The following AGBL4 variants were observed in gnomAD, a reference collection of about 807,000 sequenced individuals.
The protein encoded by AGBL4 is AGBL carboxypeptidase 4.
A neutral mutation model predicts 66.4 loss-of-function variants in AGBL4; 58 were observed. That is an observed-to-expected ratio of 0.87 (90% CI 0.71 to 1.09). The LOEUF is 1.09. Ranked by LOEUF, AGBL4 falls within the 50% of genes least tolerant of loss-of-function variation. The pLI, the probability that AGBL4 is intolerant of heterozygous loss-of-function variation, is 0.00. For missense variants in AGBL4, 579 were observed against 631.0 expected, an observed-to-expected ratio of 0.92 and a Z score of 0.88; for synonymous variants, 234 against 222.9, an observed-to-expected ratio of 1.05 and a Z score of -0.44.
chr1:49,601,318 G>A lies in AGBL4; in HGVS notation c.282+95995C>T, dbSNP rs181744128. The stretch of plus-strand genomic sequence containing the variant: ...TGGTCCCATATTTCTTGGAGGCTTT[G>A]TTCATTTCTTTTCATTCTTTTTTTT... On this transcript the variant is annotated intron_variant, in intron 3 of 13. Coordinates refer to ENST00000371839, the MANE Select transcript of AGBL4 (RefSeq NM_032785.4). 1.7e-3 allele frequency among the ~76,000 whole-genome samples: 264 copies of A among 151,414 alleles called. 1 individual carries two copies. The highest frequency in any genetic ancestry group is 6.0e-3 in the African/African-American group (246 of 41,284).
At chr1:48,603,445 C>T (rs763631945) in intron 9 of AGBL4, among the ~76,000 whole-genome samples, 6 of 151,916 alleles carry the variant, frequency 3.9e-5, no homozygotes, top group African/African-American at 9.7e-5. Flanking sequence ...ACTCCAGCCT[C>T]GCAACAGAGC....
At chr1:49,093,396 A>G (rs951411465) in intron 4 of AGBL4, among the ~76,000 whole-genome samples, 5 of 152,210 alleles carry the variant, frequency 3.3e-5, no homozygotes, top group Non-Finnish European at 5.9e-5. Flanking sequence ...AATAAGATTT[A>G]TTAATTCATT....
rs1650322889 is a variant in AGBL4, at chr1:49,522,253, A to G, written c.282+175060T>C. On this transcript the variant is annotated intron_variant, in intron 3 of 13. Transcript: ENST00000371839. ...CTGTATGACCTTAGGTAAGTTTCGT[A>G]AGCTCTCTGAGCCTTAGTTTTCTTA... 2.0e-5 allele frequency among the ~76,000 whole-genome samples: 3 copies of G among 152,000 alleles called. No individual in the cohort carries two copies. The South Asian group carries it at 6.2e-4, about 31-fold the overall frequency.
intron 1 of AGBL4, chr1:49,996,233 G>A (rs763356937): frequency 1.5e-4 from 23 of 152,070 alleles, no homozygotes; most frequent in Non-Finnish European, 2.2e-4. Context: ...CTGAATTGCC[G>A]GAAAAAGAAT....
intron 4 of AGBL4, among the ~76,000 whole-genome samples, chr1:49,105,970 C>G (rs1645285161): frequency 6.6e-6 from 1 of 152,080 alleles, no homozygotes; most frequent in African/African-American, 2.4e-5. Context: ...CATAAAAACC[C>G]CTTTAAAATG....
chr1:49,783,401 T>A (rs1198046516), intron 2 of AGBL4, among the ~76,000 whole-genome samples: 1 of 151,848 alleles, frequency 6.6e-6, no homozygotes, highest in Non-Finnish European at 1.5e-5. Context: ...AGTAATAGGG[T>A]AAAGGACAAA....
In AGBL4 at chr1:49,906,023, T is replaced by G. The variant is rs545201829; in HGVS notation, c.35-54505A>C. On this transcript the variant is annotated intron_variant, in intron 1 of 13. Transcript: ENST00000371839. ...TAATAATTAACTAAGATAATGTATATAATGTATTGAGCAGATTATGTAGCC... is the reference window on the plus strand; with the variant it reads ...TAATAATTAACTAAGATAATGTATAGAATGTATTGAGCAGATTATGTAGCC... 7.2e-5 allele frequency among the ~76,000 whole-genome samples: 11 copies of G among 152,072 alleles called. 1 individual carries two copies. Among genetic ancestry groups the G allele is most frequent in the African/African-American group, 2.7e-4 (11 of 41,506 alleles).
intron 8 of AGBL4, among the ~76,000 whole-genome samples, chr1:48,652,117 G>A (rs1028138438): frequency 3.9e-5 from 6 of 152,240 alleles, no homozygotes; most frequent in South Asian, 2.1e-4. Flanking sequence ...TGGGAGGATC[G>A]CTTGAATCCA....
intron 8 of AGBL4, among the ~76,000 whole-genome samples, chr1:48,646,599 G>A (rs1645841102): frequency 6.7e-6 from 1 of 148,436 alleles, no homozygotes; most frequent in African/African-American, 2.5e-5. Context: ...CCTCTGCTAT[G>A]GTTAATGAAG....
chr1:48,574,729 C>T (rs1212322236), intron 11 of AGBL4, among the ~76,000 whole-genome samples: 4 of 151,966 alleles, frequency 2.6e-5, no homozygotes, highest in East Asian at 1.9e-4. Context: ...AAGCCAAGCA[C>T]GGCCACAACC....
intron 1 of AGBL4, among the ~76,000 whole-genome samples, chr1:49,927,455 G>A (rs1571886855): frequency 6.6e-6 from 1 of 152,094 alleles, no homozygotes; most frequent in South Asian, 2.1e-4. Context: ...GTGAGTACAA[G>A]CAGGGGAAAT....
chr1:48,818,000 CT>C (rs1646222262), intron 6 of AGBL4: 2 of 710,500 alleles, frequency 2.8e-6, no homozygotes, highest in African/African-American at 1.8e-5. Context: ...ACCTGAGAGT[CT>C]GCAGTCTTAC....
intron 3 of AGBL4, among the ~76,000 whole-genome samples, chr1:49,592,473 G>A (rs1644769978): frequency 6.6e-6 from 1 of 152,176 alleles, no homozygotes; most frequent in Admixed American, 6.5e-5. Flanking sequence ...GGGAGGCTGA[G>A]GCAGGAGAAT....
chr1:48,880,126 T>C (rs1161014597), intron 5 of AGBL4, among the ~76,000 whole-genome samples: 1 of 152,120 alleles, frequency 6.6e-6, no homozygotes, highest in Non-Finnish European at 1.5e-5. Flanking sequence ...TTCCCACCAT[T>C]TCCCCCTGAC....
intron 6 of AGBL4, among the ~76,000 whole-genome samples, chr1:48,688,650 G>C (rs999857664): frequency 5.3e-5 from 8 of 152,120 alleles, no homozygotes; most frequent in African/African-American, 1.9e-4. Flanking sequence ...CTGAGCCACT[G>C]CTAGCATCTT....
intron 3 of AGBL4, among the ~76,000 whole-genome samples, chr1:49,410,553 T>C (rs1488461743): frequency 6.6e-6 from 1 of 152,190 alleles, no homozygotes; most frequent in Admixed American, 6.5e-5. Flanking sequence ...CCATGCTCTT[T>C]CCTCTGTATC....
chr1:49,951,268 T>C (rs1332604944), intron 1 of AGBL4, among the ~76,000 whole-genome samples: 2 of 151,898 alleles, frequency 1.3e-5, no homozygotes, highest in Non-Finnish European at 2.9e-5. Context: ...ATGGATACTG[T>C]GAAATTTGTC....
chr1:48,819,681 A>T (rs1407847185), intron 6 of AGBL4, among the ~76,000 whole-genome samples: 1 of 152,206 alleles, frequency 6.6e-6, no homozygotes, highest in Non-Finnish European at 1.5e-5. Context: ...TTTGCATTTG[A>T]CATTGGAGGA....
intron 3 of AGBL4, among the ~76,000 whole-genome samples, chr1:49,631,688 G>A (rs1357385510): frequency 6.6e-6 from 1 of 152,140 alleles, no homozygotes; most frequent in East Asian, 1.9e-4. Context: ...AAATGCCTGT[G>A]AAAGACTAAG....
Sources: allele counts gnomAD v4.1 joint callset (sites outside exome capture counted in the v4.1 genomes callset), GRCh38; gene constraint gnomAD v4.1.1; transcripts MANE v1.5; gene names NCBI Gene and HGNC (gene_info 2026-07-23, HGNC 2026-07-21).